The following MEGF6 variants were observed in gnomAD, a reference collection of about 807,000 sequenced individuals.
The protein encoded by MEGF6 is multiple EGF like domains 6, also known as multiple epidermal growth factor-like domains protein 6.
A neutral mutation model predicts 207.1 loss-of-function variants in MEGF6; 184 were observed. That is an observed-to-expected ratio of 0.89 (90% CI 0.79 to 1.00). The LOEUF (loss-of-function observed/expected upper bound fraction) is 1.00, where lower values mean the gene tolerates loss of function less well. MEGF6 is among the 50% of genes least tolerant of loss of function. MEGF6 has a pLI of 0.00. For synonymous variants in MEGF6, 1,038 were observed against 910.0 expected, an observed-to-expected ratio of 1.14 and a Z score of -2.53; for missense variants, 2,282 against 2,202.9, an observed-to-expected ratio of 1.04 and a Z score of -0.72.
In MEGF6 at chr1:3,545,173, C is replaced by T. The variant is rs181537788; in HGVS notation, c.482-20927G>A. Among the ~76,000 whole-genome samples, 451 of 152,242 alleles carry T rather than the reference C, an allele frequency of 3.0e-3. 7 individuals are homozygous for T. Among genetic ancestry groups the T allele is most frequent in the Admixed American group, 0.027 (411 of 15,296 alleles). ...CCGCTGCGGGTCTTCGTGCTGCCTC[C>T]GCAGGGACTCCTAGCCCCAGGGACA... On this transcript the variant is annotated intron_variant, in intron 4 of 36. Coordinates refer to ENST00000356575, the MANE Select transcript of MEGF6 (RefSeq NM_001409.4).
intron 17 of MEGF6, among the ~76,000 whole-genome samples, chr1:3,503,661 C>CA (rs1557726281): frequency 1.3e-5 from 2 of 151,158 alleles, no homozygotes; most frequent in Non-Finnish European, 2.9e-5. Flanking sequence ...CACCTGCCTG[C>CA]ATTCATGTGT....
In MEGF6 at chr1:3,498,455, C is replaced by T. The variant is rs1191752328; in HGVS notation, c.3268G>A (p.Gly1090Ser). The change falls in exon 26 of 37, where the codon GGT (glycine) becomes AGT (serine). Residue 1090 changes from glycine (G) to serine (S), a missense_variant. Transcript: ENST00000356575. ...TCACACAGGCCCCCGTTGAGGCAAC[C>T]GCCGCTGTGCCGGCAGCCAGCTCTG... ...DVRAGCRHSGGCLNGGLCDPH... is the reference protein window; with the variant it reads ...DVRAGCRHSGSCLNGGLCDPH... 10 of 1,582,884 alleles carry T rather than the reference C, an allele frequency of 6.3e-6. No homozygotes were observed. The highest frequency in any genetic ancestry group is 2.7e-5 in the African/African-American group (2 of 74,466).
rs775074788 is a variant in MEGF6, at chr1:3,509,934, G to A, written c.1293C>T (p.Ala431=). The A allele has an allele frequency of 4.8e-5, 76 of 1,575,584 alleles. No homozygotes were observed. Among genetic ancestry groups the A allele is most frequent in the Non-Finnish European group, 6.3e-5 (73 of 1,164,578 alleles). The change falls in exon 11 of 37, where the codon GCC becomes GCT. Residue 431 remains alanine (A), a synonymous_variant. Transcript: ENST00000356575. ...GGCEHHCTNL[A]GSFQCSCEAG... ...CCTCGCAGGAGCACTGGAAGGAGCC[G>A]GCCAGGTTGGTGCAGTGGTGCTCGC...
chr1:3,518,491 C>G (rs1001992094), intron 5 of MEGF6, among the ~76,000 whole-genome samples: 4 of 152,074 alleles, frequency 2.6e-5, no homozygotes, highest in Non-Finnish European at 4.4e-5. Context: ...GGCGCAGCAT[C>G]CTGGGCGGCG....
In MEGF6 at chr1:3,495,739, C is replaced by T. The variant is rs112232954; in HGVS notation, c.3871+151G>A. Reference sequence around the variant, plus strand: ...CGTAGTCAACACAAGCTACAGCACTCTCATCTCAGCCCCAGGGTCAAGTGG... The same window carrying T: ...CGTAGTCAACACAAGCTACAGCACTTTCATCTCAGCCCCAGGGTCAAGTGG... On this transcript the variant is annotated intron_variant, in intron 30 of 36. Transcript: ENST00000356575. 511 of 992,024 alleles carry T rather than the reference C, an allele frequency of 5.2e-4. 1 individual carries two copies. Among genetic ancestry groups the T allele is most frequent in the Middle Eastern group, 4.3e-3 (15 of 3,460 alleles). The allele number at this position is 992,024 out of a possible 1,614,324, so 61.5% of individuals were successfully genotyped here. A position where few individuals can be genotyped will look rare whatever the true frequency, so the allele number is the denominator to read the frequency against.
the MEGF6 span, among the ~76,000 whole-genome samples, chr1:3,620,762 G>A: frequency 6.6e-6 from 1 of 152,214 alleles, no homozygotes. Context: ...CTGGGCCCTG[G>A]GGGACCACTA....
intron 3 of MEGF6, among the ~76,000 whole-genome samples, chr1:3,581,823 C>T (rs1338034966): frequency 6.6e-6 from 1 of 152,206 alleles, no homozygotes; most frequent in Non-Finnish European, 1.5e-5. Context: ...CCTCCTCCCA[C>T]CCTGTTTCCC....
chr1:3,598,319 C>T (rs1036806866), intron 2 of MEGF6, among the ~76,000 whole-genome samples: 5 of 151,972 alleles, frequency 3.3e-5, no homozygotes, highest in East Asian at 3.9e-4. Context: ...GGCCGGCCGG[C>T]GGGCGGGCCG....
chr1:3,621,263 G>A, the MEGF6 span, among the ~76,000 whole-genome samples: 2 of 152,174 alleles, frequency 1.3e-5, no homozygotes, highest in Non-Finnish European at 1.5e-5. Context: ...TGGCACTGAC[G>A]CTGCCACTAG....
At position 3,600,672 on chromosome 1, in the gene MEGF6, A is replaced by AAC. The variant is rs1401436542; in HGVS notation, c.266+1793_266+1794insGT. Among the ~76,000 whole-genome samples, 12 of 152,274 alleles carry AAC rather than the reference A, an allele frequency of 7.9e-5. No homozygotes were observed. The East Asian group carries it at 1.7e-3, about 22-fold the overall frequency. ...TGGATTCAGCCTCCAGCAGCTTGGG[A>AAC]GGGGACACAAATTGGAAACGTGGGA... On this transcript the variant is annotated intron_variant, in intron 2 of 36. Coordinates refer to ENST00000356575, the MANE Select transcript of MEGF6 (RefSeq NM_001409.4).
In MEGF6 at chr1:3,492,783, G is replaced by C; in HGVS notation, c.4388-16C>G. 1 of 1,603,064 alleles carries C rather than the reference G, an allele frequency of 6.2e-7. No homozygotes were observed. Among genetic ancestry groups the C allele is most frequent in the Non-Finnish European group, 8.5e-7 (1 of 1,172,694 alleles). On this transcript the variant is annotated splice_polypyrimidine_tract_variant and intron_variant, in intron 34 of 36. Transcript: ENST00000356575. ...CTTCTGCAATCTGCAAGGCGGAGGG[G>C]GCGGGAGACAAACCTGAGCATCATC...
At chr1:3,513,577 CTTTTTTTTTTTTTTTT>C (rs757815891) in intron 7 of MEGF6, among the ~76,000 whole-genome samples, 6 of 56,566 alleles carry the variant, frequency 1.1e-4, no homozygotes, top group Non-Finnish European at 1.3e-4. Context: ...CACACCTGGG[CTTTTTTTTTTTTTTTT>C]TTTTTTTTTT....
chr1:3,571,061 A>G (rs1643481358), intron 4 of MEGF6, among the ~76,000 whole-genome samples: 1 of 152,110 alleles, frequency 6.6e-6, no homozygotes, highest in African/African-American at 2.4e-5. Context: ...GGACCCCATT[A>G]ACTGTGAGCA....
intron 9 of MEGF6, among the ~76,000 whole-genome samples, chr1:3,511,312 G>T (rs966183720): frequency 3.9e-5 from 6 of 152,300 alleles, no homozygotes; most frequent in African/African-American, 1.4e-4. Context: ...GGGCTAAGGG[G>T]GTGCCGTGAA....
chr1:3,589,052 C>T (rs575128228), intron 3 of MEGF6, among the ~76,000 whole-genome samples: 8 of 152,266 alleles, frequency 5.3e-5, no homozygotes, highest in African/African-American at 1.4e-4. Context: ...ATGAACACCA[C>T]GACTGAGATG....
rs925154962 is a variant in MEGF6 at position 3,488,866 on chromosome 1, T to C, written c.*1662A>G. Reference sequence around the variant, plus strand: ...CTGACTGAGATCATTCACCTTTAGATCTGAGAACGTCTTGGTCGTCGTTGC... The same window carrying C: ...CTGACTGAGATCATTCACCTTTAGACCTGAGAACGTCTTGGTCGTCGTTGC... On this transcript the variant is annotated 3_prime_UTR_variant, in exon 37 of 37. Coordinates refer to ENST00000356575, the MANE Select transcript of MEGF6 (RefSeq NM_001409.4). Among the ~76,000 whole-genome samples the C allele has an allele frequency of 1.3e-5, 2 of 152,234 alleles. No individual in the cohort carries two copies. Among genetic ancestry groups the C allele is most frequent in the Admixed American group, 1.3e-4 (2 of 15,288 alleles).
the MEGF6 span, among the ~76,000 whole-genome samples, chr1:3,620,769 A>G: frequency 6.6e-6 from 1 of 152,226 alleles, no homozygotes; most frequent in South Asian, 2.1e-4. Flanking sequence ...CTGGGGGACC[A>G]CTATTACCAA....
At chr1:3,600,606 T>C (rs1644141784) in intron 2 of MEGF6, among the ~76,000 whole-genome samples, 1 of 152,164 alleles carries the variant, frequency 6.6e-6, no homozygotes, top group African/African-American at 2.4e-5. Flanking sequence ...GAGTGATATC[T>C]GGACCTGGCA....
chr1:3,604,593 T>C (rs576674586), intron 1 of MEGF6, among the ~76,000 whole-genome samples: 1 of 152,276 alleles, frequency 6.6e-6, no homozygotes, highest in African/African-American at 2.4e-5. Context: ...ACCTGGGAGC[T>C]GGGGAAGAGG....
Sources: gnomAD v4.1 joint callset for allele counts (sites outside exome capture counted in the v4.1 genomes callset) on GRCh38, gnomAD v4.1.1 for gene constraint, MANE v1.5 for transcripts, NCBI Gene and HGNC (gene_info 2026-07-23, HGNC 2026-07-21) for gene names.